The following CNTN4 variants were observed in gnomAD, a reference collection of about 807,000 sequenced individuals.
The protein encoded by CNTN4 is contactin 4, also known as contactin-4.
A neutral mutation model predicts 122.5 loss-of-function variants in CNTN4; 77 were observed. The observed-to-expected ratio is 0.63, with a 90% CI of 0.52 to 0.76. The LOEUF is 0.76. Among genes scored for constraint, CNTN4 ranks in the 30% least tolerant of loss-of-function variants. The pLI is 0.00. For synonymous variants in CNTN4, 512 were observed against 447.0 expected, an observed-to-expected ratio of 1.15 and a Z score of -1.83; for missense variants, 1,256 against 1,259.1, an observed-to-expected ratio of 1.00 and a Z score of 0.04.
At chr3:2,929,266 T>C (rs900777144) in intron 13 of CNTN4, among the ~76,000 whole-genome samples, 1 of 152,202 alleles carries the variant, frequency 6.6e-6, no homozygotes, top group African/African-American at 2.4e-5. Context: ...TTTGGATGAA[T>C]TGAGGAATTA....
intron 2 of CNTN4, among the ~76,000 whole-genome samples, chr3:2,127,747 A>G (rs1480585226): frequency 1.3e-5 from 2 of 152,158 alleles, no homozygotes; most frequent in African/African-American, 4.8e-5. Context: ...AAAGGTTTGA[A>G]CTAAATGGAG....
At chr3:2,993,323 G>T (rs1695220041) in intron 14 of CNTN4, among the ~76,000 whole-genome samples, 1 of 146,562 alleles carries the variant, frequency 6.8e-6, no homozygotes, top group African/African-American at 2.5e-5. Flanking sequence ...TTGAGATGGA[G>T]TTTCCCTGTT....
chr3:2,915,238 G>A (rs1577253146), intron 12 of CNTN4, among the ~76,000 whole-genome samples: 1 of 152,120 alleles, frequency 6.6e-6, no homozygotes, highest in African/African-American at 2.4e-5. Flanking sequence ...GCTAATTTTT[G>A]TATTTTTAGT....
At chr3:2,580,519 CA>C (rs2149560192) in intron 4 of CNTN4, among the ~76,000 whole-genome samples, 1 of 152,308 alleles carries the variant, frequency 6.6e-6, no homozygotes, top group East Asian at 1.9e-4. Flanking sequence ...TGCTGCAGCA[CA>C]GACTCCATTT....
intron 4 of CNTN4, among the ~76,000 whole-genome samples, chr3:2,583,076 T>C (rs1392865164): frequency 1.3e-5 from 2 of 152,182 alleles, no homozygotes; most frequent in East Asian, 1.9e-4. Context: ...TCCACATGCG[T>C]GACATCTATA....
intron 4 of CNTN4, among the ~76,000 whole-genome samples, chr3:2,667,347 A>G (rs1359242909): frequency 1.3e-5 from 2 of 152,132 alleles, no homozygotes; most frequent in Non-Finnish European, 2.9e-5. Context: ...GCCAGTGATA[A>G]TGAGCATTTT....
chr3:2,173,504 A>G (rs2036603146), intron 2 of CNTN4, among the ~76,000 whole-genome samples: 1 of 152,166 alleles, frequency 6.6e-6, no homozygotes, highest in Non-Finnish European at 1.5e-5. Context: ...TTAATGGTTT[A>G]TTTATCTTGG....
At chr3:2,307,951 G>A (rs1187256266) in intron 2 of CNTN4, among the ~76,000 whole-genome samples, 1 of 152,126 alleles carries the variant, frequency 6.6e-6, no homozygotes, top group Non-Finnish European at 1.5e-5. Context: ...AATGAGCCTG[G>A]AAGTGTTTCT....
intron 3 of CNTN4, among the ~76,000 whole-genome samples, chr3:2,351,477 A>G (rs1316097841): frequency 6.6e-6 from 1 of 152,190 alleles, no homozygotes; most frequent in Non-Finnish European, 1.5e-5. Context: ...AGTGGATGAT[A>G]CTTAGTTGTA....
At chr3:3,026,057 A>T in intron 14 of CNTN4, 45 bp from the exon 15 acceptor site, 1 of 1,555,792 alleles carries the variant, frequency 6.4e-7, no homozygotes. Flanking sequence ...ACACAAGCTC[A>T]CAGACTTTGT....
At chr3:2,753,175 G>T (rs1002012222) in intron 6 of CNTN4, among the ~76,000 whole-genome samples, 1 of 152,096 alleles carries the variant, frequency 6.6e-6, no homozygotes, top group Non-Finnish European at 1.5e-5. Context: ...AACTACCATT[G>T]TATACCTAAG....
At chr3:3,034,561 C>A (rs141336291) in intron 16 of CNTN4, 71 bp from the exon 17 acceptor site, 2 of 1,482,524 alleles carry the variant, frequency 1.3e-6, no homozygotes, top group Non-Finnish European at 1.9e-6. Context: ...ATGCCCCATT[C>A]AAGTATGTGG....
rs555043165 is a variant in CNTN4, at chr3:2,781,847, C to A, written c.358+36150C>A. ...TCCCGCCATTCTCCTGCCTCAGCCT[C>A]CCGAGTAGCTGGGACTGCAGGCGCC... is the stretch of plus-strand genomic sequence containing the variant. On this transcript the variant is annotated intron_variant, in intron 6 of 24. Coordinates refer to ENST00000418658, the MANE Select transcript of CNTN4 (RefSeq NM_175607.3). Among the ~76,000 whole-genome samples the A allele has an allele frequency of 5.9e-3, 778 of 132,536 alleles. 85 individuals are homozygous for A. The highest frequency in any genetic ancestry group is 0.026 in the African/African-American group (743 of 28,074). 86.9% of individuals were successfully genotyped at this position (132,536 alleles called of 152,430 possible).
intron 3 of CNTN4, among the ~76,000 whole-genome samples, chr3:2,392,616 C>G (rs1422367566): frequency 6.6e-6 from 1 of 152,080 alleles, no homozygotes; most frequent in Non-Finnish European, 1.5e-5. Flanking sequence ...GCATATCCAC[C>G]TCCTCAGATA....
Position 3,005,908 on chromosome 3 carries a change from C to T in CNTN4, c.1486+17436C>T, listed in dbSNP as rs550010162. 3.4e-4 allele frequency among the ~76,000 whole-genome samples: 44 copies of T among 128,152 alleles called. 1 individual carries two copies. The highest frequency in any genetic ancestry group is 1.3e-3 in the Admixed American group (15 of 11,828). The allele number at this position is 128,152 out of a possible 152,430, so 84.1% of individuals were successfully genotyped here. A position where few individuals can be genotyped will look rare whatever the true frequency, so the allele number is the denominator to read the frequency against. ...TAGAATTTTTTTTTTTTTTTTGAGA[C>T]GGATTCTCACTGTGTCGCCCAGGCT... On this transcript the variant is annotated intron_variant, in intron 14 of 24. Transcript: ENST00000418658.
At position 2,567,240 on chromosome 3, in the gene CNTN4, C is replaced by A. The variant is rs1243819709; in HGVS notation, c.-88-4176C>A. On this transcript the variant is annotated intron_variant, in intron 3 of 24. Coordinates refer to ENST00000418658, the MANE Select transcript of CNTN4 (RefSeq NM_175607.3). ...TAGCTGGGACTACAGGCATGTGCCA[C>A]CACACCCAACTAATTTTTTCTATTT... is the stretch of plus-strand genomic sequence containing the variant. Among the ~76,000 whole-genome samples, 5 of 152,186 alleles carry A rather than the reference C, an allele frequency of 3.3e-5. No individual in the cohort carries two copies. In the East Asian group the frequency reaches 9.7e-4, roughly 30 times the overall value.
intron 2 of CNTN4, among the ~76,000 whole-genome samples, chr3:2,120,611 G>A (rs1490449518): frequency 2.0e-5 from 3 of 151,186 alleles, no homozygotes; most frequent in Non-Finnish European, 4.4e-5. Context: ...CCATGTTGAT[G>A]AGGCTGGTCT....
intron 2 of CNTN4, among the ~76,000 whole-genome samples, chr3:2,322,570 T>C (rs539022185): frequency 2.6e-5 from 4 of 152,176 alleles, no homozygotes; most frequent in East Asian, 1.9e-4. Context: ...AGATTTTCTA[T>C]TGGGGATCAT....
intron 4 of CNTN4, among the ~76,000 whole-genome samples, chr3:2,688,755 A>C (rs1051770218): frequency 6.6e-6 from 1 of 152,178 alleles, no homozygotes; most frequent in African/African-American, 2.4e-5. Context: ...TGTTTCTCAA[A>C]CTTAGCTCCC....
Sources: gnomAD v4.1 joint callset for allele counts (sites outside exome capture counted in the v4.1 genomes callset) on GRCh38, gnomAD v4.1.1 for gene constraint, MANE v1.5 for transcripts, NCBI Gene and HGNC (gene_info 2026-07-23, HGNC 2026-07-21) for gene names.